PRSS12: variants seen among roughly 807,000 people sequenced by gnomAD.
PRSS12 encodes the protein serine protease 12.
In PRSS12, 85 loss-of-function variants were observed where a neutral mutation model predicts 104.4. The ratio of observed to expected loss-of-function variants is 0.81; its 90% confidence interval spans 0.68 to 0.98. The LOEUF (loss-of-function observed/expected upper bound fraction) is 0.98. PRSS12 is among the 50% of genes least tolerant of loss of function. The pLI is 0.00. For missense variants in PRSS12, 1,141 were observed against 1,139.2 expected, an observed-to-expected ratio of 1.00 and a Z score of -0.02; for synonymous variants, 454 against 425.2, an observed-to-expected ratio of 1.07 and a Z score of -0.83.
intron 11 of PRSS12, among the ~76,000 whole-genome samples, chr4:118,292,945 G>A (rs916880521): frequency 2.0e-5 from 3 of 151,940 alleles, no homozygotes; most frequent in East Asian, 3.9e-4. Context: ...ACCTGGCAGG[G>A]CAGAGGCTGC....
chr4:118,346,276 T>C (rs1423642697), intron 1 of PRSS12, among the ~76,000 whole-genome samples: 1 of 152,044 alleles, frequency 6.6e-6, no homozygotes, highest in African/African-American at 2.4e-5. Flanking sequence ...ATTGTTTCCG[T>C]TTTCTATTCT....
intron 6 of PRSS12, among the ~76,000 whole-genome samples, chr4:118,313,787 C>T (rs1373798744): frequency 6.6e-6 from 1 of 152,156 alleles, no homozygotes; most frequent in Non-Finnish European, 1.5e-5. Flanking sequence ...CATTTGATTT[C>T]AGCAGCTTCT....
At chr4:118,323,541 GAAAGA>G (rs1368534546) in intron 4 of PRSS12, among the ~76,000 whole-genome samples, 8 of 151,438 alleles carry the variant, frequency 5.3e-5, no homozygotes, top group Admixed American at 5.3e-4. Flanking sequence ...AGGGAAGGAA[GAAAGA>G]AAAGAAAACT....
At chr4:118,305,826 C>T (rs932242948) in intron 8 of PRSS12, 1 of 152,102 alleles carries the variant, frequency 6.6e-6, no homozygotes, top group Non-Finnish European at 1.5e-5. Flanking sequence ...CCTCCCAACC[C>T]CTGATAACCA....
chr4:118,293,092 G>A (rs1743166868), intron 11 of PRSS12, among the ~76,000 whole-genome samples: 1 of 151,596 alleles, frequency 6.6e-6, no homozygotes, highest in African/African-American at 2.4e-5. Flanking sequence ...GAAGATGACT[G>A]CACAAATATT....
intron 3 of PRSS12, among the ~76,000 whole-genome samples, chr4:118,333,574 G>T (rs1560783099): frequency 6.6e-6 from 1 of 152,088 alleles, no homozygotes; most frequent in African/African-American, 2.4e-5. Context: ...AAATTATGAT[G>T]TTTATTTTTC....
chr4:118,299,746 T>TAAAATAAAATAAAATA (rs372943908), intron 8 of PRSS12, among the ~76,000 whole-genome samples: 2 of 82,432 alleles, frequency 2.4e-5, no homozygotes, highest in South Asian at 4.1e-4. Flanking sequence ...TAAAATAAAA[T>TAAAATAAAATAAAATA]AAATAAAATA....
chr4:118,294,152 T>C (rs866149002), intron 11 of PRSS12, among the ~76,000 whole-genome samples: 6 of 152,206 alleles, frequency 3.9e-5, no homozygotes, highest in Admixed American at 3.3e-4. Flanking sequence ...AACAATGTGG[T>C]ACACATTTTT....
At chr4:118,284,123 A>AT (rs1742962307) in intron 11 of PRSS12, among the ~76,000 whole-genome samples, 1 of 152,150 alleles carries the variant, frequency 6.6e-6, no homozygotes, top group Non-Finnish European at 1.5e-5. Context: ...ACCTATTAAC[A>AT]TTTTGGACCA....
At chr4:118,307,775 T>C (rs1400023436) in intron 8 of PRSS12, among the ~76,000 whole-genome samples, 6 of 152,156 alleles carry the variant, frequency 3.9e-5, no homozygotes, top group Non-Finnish European at 1.5e-5. Context: ...ATCTAATGCA[T>C]GCATTTTCTC....
intron 1 of PRSS12, among the ~76,000 whole-genome samples, chr4:118,351,010 T>G (rs1383731410): frequency 6.6e-6 from 1 of 152,220 alleles, no homozygotes; most frequent in Non-Finnish European, 1.5e-5. Context: ...CCTCAAATTT[T>G]TTATAGCTAC....
intron 8 of PRSS12, among the ~76,000 whole-genome samples, chr4:118,305,729 T>C (rs1297049052): frequency 6.6e-6 from 1 of 152,178 alleles, no homozygotes; most frequent in Non-Finnish European, 1.5e-5. Context: ...CTATAGGTAC[T>C]GTATTGTACG....
chr4:118,287,904 T>C (rs924347618), intron 11 of PRSS12, among the ~76,000 whole-genome samples: 2 of 152,110 alleles, frequency 1.3e-5, no homozygotes, highest in Admixed American at 6.5e-5. Flanking sequence ...CAACTCCCCC[T>C]CAAATAAAAA....
At chr4:118,298,428 G>A (rs554344948) in intron 9 of PRSS12, among the ~76,000 whole-genome samples, 2 of 152,034 alleles carry the variant, frequency 1.3e-5, no homozygotes, top group South Asian at 4.2e-4. Flanking sequence ...TTCAAAGATA[G>A]CAACAAGCAT....
intron 1 of PRSS12, among the ~76,000 whole-genome samples, chr4:118,346,285 C>T (rs1250722430): frequency 6.6e-6 from 1 of 152,072 alleles, no homozygotes; most frequent in African/African-American, 2.4e-5. Context: ...GTTTTCTATT[C>T]TTTGCTATCA....
chr4:118,287,181 G>T (rs1407005943), intron 11 of PRSS12, among the ~76,000 whole-genome samples: 3 of 151,764 alleles, frequency 2.0e-5, no homozygotes, highest in Non-Finnish European at 4.4e-5. Context: ...GGTTCACTCT[G>T]TTGCCCAGGC....
At chr4:118,300,317 A>C (rs781342009) in intron 8 of PRSS12, among the ~76,000 whole-genome samples, 2 of 151,992 alleles carry the variant, frequency 1.3e-5, no homozygotes, top group African/African-American at 2.4e-5. Context: ...CTGGCCTAAA[A>C]GTACAATTTT....
chr4:118,307,940 CA>C (rs1426817688), intron 8 of PRSS12, among the ~76,000 whole-genome samples: 1 of 151,844 alleles, frequency 6.6e-6, no homozygotes, highest in Non-Finnish European at 1.5e-5. Flanking sequence ...TAAAAGAGGA[CA>C]ACTGTTAACA....
chr4:118,281,557 A>C lies in PRSS12; in HGVS notation c.*379T>G. The C allele has an allele frequency of 3.4e-6, 1 of 295,980 alleles. No homozygotes were observed. Among genetic ancestry groups the C allele is most frequent in the South Asian group, 3.5e-5 (1 of 28,938 alleles). The allele number at this position is 295,980 out of a possible 1,614,324, so 18.3% of individuals were successfully genotyped here. ...TAGTAAAGGGTACCGCATTTATGTCAAATGTGGGTATTTAATATGATTTCA... is the reference window on the plus strand; with the variant it reads ...TAGTAAAGGGTACCGCATTTATGTCCAATGTGGGTATTTAATATGATTTCA... On this transcript the variant is annotated 3_prime_UTR_variant, in exon 13 of 13. Coordinates refer to ENST00000296498, the MANE Select transcript of PRSS12 (RefSeq NM_003619.4).
Sources: gnomAD v4.1 joint callset for allele counts (sites outside exome capture counted in the v4.1 genomes callset) on GRCh38, gnomAD v4.1.1 for gene constraint, MANE v1.5 for transcripts, NCBI Gene and HGNC (gene_info 2026-07-23, HGNC 2026-07-21) for gene names.